The following SERPINB7 variants were observed in gnomAD, a reference collection of about 807,000 sequenced individuals.
SERPINB7 encodes the protein serpin family B member 7.
Under a neutral mutation model 37.4 loss-of-function variants are expected in SERPINB7, and 31 were observed. The observed-to-expected ratio is 0.83, with a 90% CI of 0.62 to 1.12. The LOEUF (loss-of-function observed/expected upper bound fraction) is 1.12, where lower values mean the gene tolerates loss of function less well. SERPINB7 is among the 50% of genes most tolerant of loss of function. The probability of loss-of-function intolerance (pLI) is 0.00; values close to 1 mark genes in which losing one functional copy is unlikely to be tolerated. For synonymous variants in SERPINB7, 163 were observed against 166.1 expected, an observed-to-expected ratio of 0.98 and a Z score of 0.14; for missense variants, 521 against 455.3, an observed-to-expected ratio of 1.14 and a Z score of -1.31.
chr18:63,772,042 G>T (rs564393221), upstream of SERPINB7, among the ~76,000 whole-genome samples: 1 of 151,856 alleles, frequency 6.6e-6, no homozygotes, highest in Admixed American at 6.6e-5. Flanking sequence ...CGGCAGGGAC[G>T]TTGTATAGAG....
chr18:63,766,875 G>A (rs17708446), intron 1 of SERPINB7, among the ~76,000 whole-genome samples: 4,885 of 152,190 alleles, frequency 0.032, 138 homozygotes, highest in African/African-American at 0.069. Context: ...TAAAAAGCAA[G>A]GCAACTAGTT....
At chr18:63,761,854 C>T (rs2049156044) in intron 1 of SERPINB7, among the ~76,000 whole-genome samples, 1 of 152,158 alleles carries the variant, frequency 6.6e-6, no homozygotes, top group Middle Eastern at 3.4e-3. Context: ...CTTTTTCTTC[C>T]CAATCTCAGG....
At chr18:63,781,903 T>TAATA (rs972881799) in intron 1 of SERPINB7, among the ~76,000 whole-genome samples, 76 of 152,168 alleles carry the variant, frequency 5.0e-4, no homozygotes, top group African/African-American at 1.8e-3. Flanking sequence ...ACAGAGGCCT[T>TAATA]AATGGAAAGA....
rs377520242 is a variant in SERPINB7, at chr18:63,796,393, G to A, written c.454+10G>A. On this transcript the variant is annotated intron_variant, in intron 5 of 7. Transcript: ENST00000398019. ...GAAAATGAAACACATGGTGAGTATT[G>A]AAATACCCTATTTTTCTACAAGATT... The A allele has an allele frequency of 3.3e-5, 46 of 1,393,046 alleles. No homozygotes were observed. Among genetic ancestry groups the A allele is most frequent in the African/African-American group, 4.3e-5 (3 of 70,506 alleles). The allele number at this position is 1,393,046 out of a possible 1,614,324, so 86.3% of individuals were successfully genotyped here.
intron 1 of SERPINB7, 139 bp downstream of exon 1, chr18:63,775,855 A>G (rs2049242012): frequency 6.6e-6 from 1 of 152,110 alleles, no homozygotes; most frequent in South Asian, 2.1e-4. Context: ...GAGGCCTGAA[A>G]TCTCTCCAGG....
intron 2 of SERPINB7, among the ~76,000 whole-genome samples, chr18:63,786,027 CGTATATATACACAT>C (rs2049362980): frequency 8.6e-6 from 1 of 115,838 alleles, no homozygotes; most frequent in African/African-American, 3.2e-5. Flanking sequence ...ATATAATATA[CGTATATATACACAT>C]ATATATAATA....
chr18:63,760,356 G>C (rs903691724), intron 1 of SERPINB7, among the ~76,000 whole-genome samples: 1 of 152,230 alleles, frequency 6.6e-6, no homozygotes, highest in Admixed American at 6.5e-5. Flanking sequence ...AAGCATTCGA[G>C]AGGTGACTTG....
At chr18:63,761,219 T>C (rs1261716310) in intron 1 of SERPINB7, among the ~76,000 whole-genome samples, 1 of 152,212 alleles carries the variant, frequency 6.6e-6, no homozygotes, top group Non-Finnish European at 1.5e-5. Context: ...AAGGAGATTA[T>C]TTTGGAGCTT....
intron 4 of SERPINB7, among the ~76,000 whole-genome samples, chr18:63,794,886 C>G (rs2049471268): frequency 1.3e-5 from 2 of 152,240 alleles, no homozygotes; most frequent in South Asian, 2.1e-4. Flanking sequence ...ACTAGTGAAT[C>G]TTCATTATTA....
intron 1 of SERPINB7, among the ~76,000 whole-genome samples, chr18:63,766,124 A>G (rs1364476489): frequency 6.6e-6 from 1 of 152,102 alleles, no homozygotes; most frequent in African/African-American, 2.4e-5. Context: ...CTCTTGGAAA[A>G]GTTTCCTGGA....
chr18:63,763,825 A>G (rs2049166765), intron 1 of SERPINB7, among the ~76,000 whole-genome samples: 1 of 152,152 alleles, frequency 6.6e-6, no homozygotes, highest in Admixed American at 6.5e-5. Flanking sequence ...AACATGAACT[A>G]ATTACTTTAC....
chr18:63,769,634 C>A (rs2049199099), intron 1 of SERPINB7, among the ~76,000 whole-genome samples: 1 of 152,022 alleles, frequency 6.6e-6, no homozygotes, highest in South Asian at 2.1e-4. Context: ...TTGGTGAGTT[C>A]TGGTTTTAAT....
intron 1 of SERPINB7, among the ~76,000 whole-genome samples, chr18:63,758,563 C>T (rs927943612): frequency 3.9e-5 from 6 of 152,068 alleles, no homozygotes; most frequent in Non-Finnish European, 7.4e-5. Context: ...GTATCTGGCC[C>T]CTGGAGAGGT....
At chr18:63,770,600 C>A (rs1271910818), upstream of SERPINB7, among the ~76,000 whole-genome samples, 1 of 151,930 alleles carries the variant, frequency 6.6e-6, no homozygotes, top group Non-Finnish European at 1.5e-5. Context: ...TGTGAAGGAA[C>A]ATGTGAGTTT....
At chr18:63,801,517 C>G (rs912717058) in intron 7 of SERPINB7, among the ~76,000 whole-genome samples, 5 of 152,178 alleles carry the variant, frequency 3.3e-5, no homozygotes, top group African/African-American at 9.7e-5. Flanking sequence ...TTAATTGATG[C>G]AAGGCCGACC....
At position 63,798,582 on chromosome 18, in the gene SERPINB7, C is replaced by T. The variant is rs540282401; in HGVS notation, c.455-22C>T. 1.4e-5 allele frequency: 21 copies of T among 1,506,836 alleles called. No homozygotes were observed. In the South Asian group the frequency reaches 1.8e-4, roughly 13 times the overall value. The allele number at this position is 1,506,836 out of a possible 1,614,324, so 93.3% of individuals were successfully genotyped here. ...AAATTATATTAAAATAAACATTTTT[C>T]CCTCAATTTTTTTTTCAAAAGGCAA... On this transcript the variant is annotated intron_variant, in intron 5 of 7. Coordinates refer to ENST00000398019, the MANE Select transcript of SERPINB7 (RefSeq NM_003784.4).
At chr18:63,762,524 G>A (rs982766562) in intron 1 of SERPINB7, among the ~76,000 whole-genome samples, 2 of 152,154 alleles carry the variant, frequency 1.3e-5, no homozygotes, top group African/African-American at 4.8e-5. Context: ...GAGATGAAAG[G>A]AAATGGGAAG....
At position 63,795,028 on chromosome 18, in the gene SERPINB7, T is replaced by C. The variant is rs1200674134; in HGVS notation, c.337-1238T>C. Among the ~76,000 whole-genome samples, 3 of 152,248 alleles carry C rather than the reference T, an allele frequency of 2.0e-5. No homozygotes were observed. The East Asian group carries it at 5.8e-4, about 29-fold the overall frequency. On this transcript the variant is annotated intron_variant, in intron 4 of 7. Coordinates refer to ENST00000398019, the MANE Select transcript of SERPINB7 (RefSeq NM_003784.4). ...GTATATTCATTGAATTACTAATGTG[T>C]TGATAAATTAGATCATTATGACTTT...
At chr18:63,799,264 C>A (rs1474637752) in intron 6 of SERPINB7, among the ~76,000 whole-genome samples, 1 of 152,136 alleles carries the variant, frequency 6.6e-6, no homozygotes, top group African/African-American at 2.4e-5. Flanking sequence ...TTATTGCCAA[C>A]CTTTATAAAA....
Sources: allele counts gnomAD v4.1 joint callset (sites outside exome capture counted in the v4.1 genomes callset), GRCh38; gene constraint gnomAD v4.1.1; transcripts MANE v1.5; gene names NCBI Gene and HGNC (gene_info 2026-07-23, HGNC 2026-07-21).